FAM76A: variants seen among roughly 807,000 people sequenced by gnomAD.
FAM76A encodes the protein protein FAM76A.
A neutral mutation model predicts 46.2 loss-of-function variants in FAM76A; 32 were observed. The observed-to-expected ratio is 0.69, with a 90% CI of 0.52 to 0.93. FAM76A has a LOEUF of 0.93. Among genes scored for constraint, FAM76A ranks in the 40% least tolerant of loss-of-function variants. The pLI is 0.00. For missense variants in FAM76A, 274 were observed against 361.5 expected, an observed-to-expected ratio of 0.76 and a Z score of 1.96; for synonymous variants, 137 against 127.0, an observed-to-expected ratio of 1.08 and a Z score of -0.53.
At chr1:27,737,124 T>A (rs2088061857) in intron 4 of FAM76A, among the ~76,000 whole-genome samples, 1 of 152,030 alleles carries the variant, frequency 6.6e-6, no homozygotes, top group Admixed American at 6.6e-5. Flanking sequence ...TAATTTTGTA[T>A]TTTTAGTAGA....
intron 8 of FAM76A, 121 bp downstream of exon 8, chr1:27,759,748 T>C (rs1057353802): frequency 5.4e-5 from 39 of 718,410 alleles, no homozygotes; most frequent in Non-Finnish European, 7.4e-5. Flanking sequence ...TAACAAATCA[T>C]GTTAATCCCC....
intron 7 of FAM76A, among the ~76,000 whole-genome samples, chr1:27,756,394 G>A (rs779660611): frequency 4.6e-4 from 70 of 151,950 alleles, no homozygotes; most frequent in African/African-American, 1.6e-3. Flanking sequence ...GAGTTCAAGC[G>A]ATTCTCCTAC....
chr1:27,745,161 TGATA>T (rs2088221756), intron 5 of FAM76A, among the ~76,000 whole-genome samples: 1 of 152,136 alleles, frequency 6.6e-6, no homozygotes, highest in South Asian at 2.1e-4. Context: ...GCCAGGAGGC[TGATA>T]GATGTCCTAG....
chr1:27,760,099 T>C (rs561684667), intron 8 of FAM76A: 1 of 414,218 alleles, frequency 2.4e-6, no homozygotes, highest in African/African-American at 2.1e-5. Flanking sequence ...TGTTTCACTC[T>C]TGGATGTGTT....
chr1:27,737,945 T>A (rs570277775), intron 4 of FAM76A, among the ~76,000 whole-genome samples: 1 of 148,232 alleles, frequency 6.7e-6, no homozygotes, highest in South Asian at 2.1e-4. Context: ...TCCAGCTACC[T>A]GGGAGGCTGA....
At position 27,755,925 on chromosome 1, in the gene FAM76A, C is replaced by A. The variant is rs910176562; in HGVS notation, c.735+595C>A. On this transcript the variant is annotated intron_variant, in intron 7 of 8. Coordinates refer to ENST00000373954, the MANE Select transcript of FAM76A (RefSeq NM_152660.3). Reference sequence around the variant, plus strand: ...CTTACAGAGACAATGTATAAAAAAACCAGTGTTCACATCTCAGTTCACAGC... The same window carrying A: ...CTTACAGAGACAATGTATAAAAAAAACAGTGTTCACATCTCAGTTCACAGC... Among the ~76,000 whole-genome samples, 6 of 152,236 alleles carry A rather than the reference C, an allele frequency of 3.9e-5. No individual in the cohort carries two copies. The South Asian group carries it at 8.3e-4, about 21-fold the overall frequency.
intron 6 of FAM76A, among the ~76,000 whole-genome samples, chr1:27,750,636 G>A (rs1208863995): frequency 6.6e-6 from 1 of 152,182 alleles, no homozygotes; most frequent in Non-Finnish European, 1.5e-5. Flanking sequence ...AAGCTCGTTC[G>A]TATCTTCCAG....
chr1:27,758,419 A>G (rs1406506827), intron 7 of FAM76A, among the ~76,000 whole-genome samples: 2 of 152,230 alleles, frequency 1.3e-5, no homozygotes, highest in African/African-American at 2.4e-5. Flanking sequence ...CTAGATCAGA[A>G]TGGCACATAA....
chr1:27,755,243 C>A lies in FAM76A; in HGVS notation c.648C>A (p.Val216=). 1 of 1,614,148 alleles carries A rather than the reference C, an allele frequency of 6.2e-7. No individual in the cohort carries two copies. The highest frequency in any genetic ancestry group is 1.1e-5 in the South Asian group (1 of 91,090). The change falls in exon 7 of 9, where the codon GTC becomes GTA. Residue 216 remains valine, a synonymous_variant. Transcript: ENST00000373954. ...ACTCACCAGGCACTGACCACTTTGT[C>A]ATCATTGCCCAACTGAAGGAAGAAG... ...ALDSPGTDHF[V]IIAQLKEEVA...
intron 7 of FAM76A, among the ~76,000 whole-genome samples, chr1:27,757,056 G>A (rs982188869): frequency 1.3e-5 from 2 of 151,528 alleles, no homozygotes; most frequent in Non-Finnish European, 2.9e-5. Flanking sequence ...GCCAGACCCT[G>A]TCTCCAAAAA....
chr1:27,752,994 T>C (rs759194118), intron 6 of FAM76A, among the ~76,000 whole-genome samples: 18 of 151,922 alleles, frequency 1.2e-4, no homozygotes, highest in Non-Finnish European at 2.4e-4. Context: ...ACCCCGTCTC[T>C]ACTAAAAACA....
intron 7 of FAM76A, among the ~76,000 whole-genome samples, chr1:27,755,829 C>T (rs76303419): frequency 0.015 from 2,212 of 152,258 alleles, 21 homozygotes; most frequent in Middle Eastern, 0.044. Flanking sequence ...TCCATTTTAG[C>T]CTCCCAAAGT....
Position 27,760,565 on chromosome 1 carries a change from C to CTA in FAM76A, c.911_912dup (p.Thr305Ter). On this transcript the variant is annotated frameshift_variant, in exon 9 of 9. Transcript: ENST00000373954. LOFTEE classifies it high-confidence loss of function. ...AGCAAGAAGTCAGAGAAGTCAGGAG[C>CTA]TATAACCTCTCCATGACAGACCTCA... The CTA allele has an allele frequency of 6.2e-7, 1 of 1,611,718 alleles. No individual in the cohort carries two copies. The highest frequency in any genetic ancestry group is 8.5e-7 in the Non-Finnish European group (1 of 1,178,598).
At chr1:27,753,923 T>C (rs1309965564) in intron 6 of FAM76A, among the ~76,000 whole-genome samples, 1 of 152,184 alleles carries the variant, frequency 6.6e-6, no homozygotes, top group East Asian at 1.9e-4. Flanking sequence ...GAGAACTCTC[T>C]AGAGAACAGG....
At chr1:27,740,045 C>A in intron 4 of FAM76A, 1 of 391,590 alleles carries the variant, frequency 2.6e-6, no homozygotes, top group Non-Finnish European at 5.0e-6. Context: ...GACTCTGGGT[C>A]CACCTGGATG....
At position 27,761,973 on chromosome 1, in the gene FAM76A, A is replaced by AAC. The variant is rs1289213308; in HGVS notation, c.*1393_*1394insCA. On this transcript the variant is annotated 3_prime_UTR_variant, in exon 9 of 9. Transcript: ENST00000373954. Reference sequence around the variant, plus strand: ...GAGTGAGACTCCGTCTCAAAAAAAAAAAAAAAAGGAATAATATTTGAACTA... The same window carrying AAC: ...GAGTGAGACTCCGTCTCAAAAAAAAAACAAAAAAAGGAATAATATTTGAACTA... The AAC allele has an allele frequency of 6.6e-6, 1 of 152,108 alleles. No homozygotes were observed. Among genetic ancestry groups the AAC allele is most frequent in the Non-Finnish European group, 1.5e-5 (1 of 68,108 alleles). The allele number at this position is 152,108 out of a possible 1,614,324, so 9.4% of individuals were successfully genotyped here. A position where few individuals can be genotyped will look rare whatever the true frequency, so the allele number is the denominator to read the frequency against.
intron 4 of FAM76A, among the ~76,000 whole-genome samples, chr1:27,741,895 A>C (rs1330397690): frequency 1.4e-5 from 2 of 145,976 alleles, no homozygotes; most frequent in Non-Finnish European, 2.9e-5. Context: ...AAAAAAAAAA[A>C]AGAGAGAGGA....
At chr1:27,727,730 G>A (rs2087884462) in intron 2 of FAM76A, among the ~76,000 whole-genome samples, 194 bp downstream of exon 2, 1 of 151,780 alleles carries the variant, frequency 6.6e-6, no homozygotes, top group South Asian at 2.1e-4. Context: ...TTCATGTGTG[G>A]GGTGAGATAT....
At chr1:27,735,509 G>C (rs1348150718) in intron 4 of FAM76A, among the ~76,000 whole-genome samples, 6 of 152,160 alleles carry the variant, frequency 3.9e-5, no homozygotes, top group African/African-American at 1.4e-4. Flanking sequence ...TTGGGCTCAA[G>C]GGCTGACTCT....
Sources: allele counts gnomAD v4.1 joint callset (sites outside exome capture counted in the v4.1 genomes callset), GRCh38; gene constraint gnomAD v4.1.1; transcripts MANE v1.5; gene names NCBI Gene and HGNC (gene_info 2026-07-23, HGNC 2026-07-21).